SUGCT: variants seen among roughly 807,000 people sequenced by gnomAD.
SUGCT encodes succinyl-CoA:glutarate-CoA transferase, also known as succinyl-CoA:glutarate CoA-transferase.
SUGCT carries 41 observed loss-of-function variants against 55.0 expected under a neutral mutation model. The ratio of observed to expected loss-of-function variants is 0.74; its 90% CI spans 0.58 to 0.97. The LOEUF (loss-of-function observed/expected upper bound fraction) is 0.97. Ranked by LOEUF, SUGCT falls within the 50% of genes least tolerant of loss-of-function variation. The pLI, the probability that SUGCT is intolerant of heterozygous loss-of-function variation, is 0.00. For missense variants in SUGCT, 568 were observed against 547.8 expected, an observed-to-expected ratio of 1.04 and a Z score of -0.37; for synonymous variants, 187 against 200.4, an observed-to-expected ratio of 0.93 and a Z score of 0.56.
At chr7:40,995,593 A>G in the SUGCT span, among the ~76,000 whole-genome samples, 1 of 151,942 alleles carries the variant, frequency 6.6e-6, no homozygotes, top group African/African-American at 2.4e-5. Flanking sequence ...TAATAGTTTT[A>G]GGTTCTTCAG....
intron 7 of SUGCT, among the ~76,000 whole-genome samples, chr7:40,272,191 T>TATAC (rs1792105514): frequency 4.2e-5 from 3 of 71,932 alleles, no homozygotes; most frequent in African/African-American, 1.6e-4. Context: ...TATATATATA[T>TATAC]ATACAGGGTC....
At chr7:40,997,278 A>G in the SUGCT span, among the ~76,000 whole-genome samples, 1 of 152,122 alleles carries the variant, frequency 6.6e-6, no homozygotes, top group Non-Finnish European at 1.5e-5. Flanking sequence ...TGTCCCATTC[A>G]TATGCACACC....
the SUGCT span, among the ~76,000 whole-genome samples, chr7:40,904,109 A>G: frequency 6.6e-6 from 1 of 152,128 alleles, no homozygotes; most frequent in Non-Finnish European, 1.5e-5. Flanking sequence ...CCTTTCAGCA[A>G]CTCATGAGTT....
the SUGCT span, among the ~76,000 whole-genome samples, chr7:40,998,364 T>C: frequency 3.3e-5 from 5 of 149,262 alleles, no homozygotes; most frequent in Non-Finnish European, 7.4e-5. Flanking sequence ...AGAGTAAGAC[T>C]CTGAAAAAAA....
intron 9 of SUGCT, among the ~76,000 whole-genome samples, chr7:40,392,242 C>A (rs1289864786): frequency 1.3e-5 from 2 of 152,042 alleles, no homozygotes; most frequent in South Asian, 2.1e-4. Context: ...ATGTAACAAA[C>A]CTGCACGTTG....
Position 40,212,907 on chromosome 7 carries a change from CATTA to C in SUGCT, c.484+17853_484+17856del, listed in dbSNP as rs1285185321. Reference sequence around the variant, plus strand: ...AAATAGTAACTGTGAGGTGATGGTACATTAATTAACTTGATGATGGTAATTATTT... The same window carrying C: ...AAATAGTAACTGTGAGGTGATGGTACATTAACTTGATGATGGTAATTATTT... On this transcript the variant is annotated intron_variant, in intron 6 of 13. Coordinates refer to ENST00000335693, the MANE Select transcript of SUGCT (RefSeq NM_001193313.2). Among the ~76,000 whole-genome samples, 7 of 152,066 alleles carry C rather than the reference CATTA, an allele frequency of 4.6e-5. No homozygotes were observed. In the East Asian group the frequency reaches 1.2e-3, roughly 25 times the overall value.
the SUGCT span, among the ~76,000 whole-genome samples, chr7:40,930,249 C>G: frequency 6.6e-6 from 1 of 152,160 alleles, no homozygotes; most frequent in African/African-American, 2.4e-5. Context: ...GGTGTTATTT[C>G]TGAGGCCTCT....
At chr7:40,503,416 A>G (rs1792405585) in intron 12 of SUGCT, among the ~76,000 whole-genome samples, 1 of 152,200 alleles carries the variant, frequency 6.6e-6, no homozygotes, top group Non-Finnish European at 1.5e-5. Context: ...ATAAGTAATG[A>G]GAAGGAAGCA....
At chr7:40,870,188 C>G in the SUGCT span, among the ~76,000 whole-genome samples, 1 of 152,124 alleles carries the variant, frequency 6.6e-6, no homozygotes, top group East Asian at 1.9e-4. Flanking sequence ...GGATTTCATT[C>G]TGATCAATGT....
At chr7:40,320,112 TTG>T (rs67514741) in intron 9 of SUGCT, among the ~76,000 whole-genome samples, 81,096 of 148,598 alleles carry the variant, frequency 0.55, 23,090 homozygotes, top group Non-Finnish European at 0.65. Context: ...TGTTAATTTT[TTG>T]TTTTTTTTTT....
At chr7:40,855,375 T>C (rs1794120516) in intron 13 of SUGCT, among the ~76,000 whole-genome samples, 1 of 152,122 alleles carries the variant, frequency 6.6e-6, no homozygotes, top group Non-Finnish European at 1.5e-5. Flanking sequence ...TCTTAGCTTC[T>C]TTCTCACATT....
intron 6 of SUGCT, among the ~76,000 whole-genome samples, chr7:40,222,398 A>G (rs1788068041): frequency 6.6e-6 from 1 of 152,176 alleles, no homozygotes. Flanking sequence ...TCAACCTTAT[A>G]TCCAGCCATG....
chr7:40,236,428 A>G (rs548885426), intron 6 of SUGCT, among the ~76,000 whole-genome samples: 220 of 86,128 alleles, frequency 2.6e-3, no homozygotes, highest in African/African-American at 1.0e-2. Flanking sequence ...TGTTCTGTTG[A>G]TTCTTTCTGA....
the SUGCT span, among the ~76,000 whole-genome samples, chr7:41,015,702 G>C: frequency 6.6e-6 from 1 of 152,174 alleles, no homozygotes; most frequent in South Asian, 2.1e-4. Flanking sequence ...GGTTCTGGTA[G>C]AGCCCTTCAG....
intron 10 of SUGCT, among the ~76,000 whole-genome samples, chr7:40,453,915 A>G (rs748438889): frequency 2.0e-5 from 3 of 152,196 alleles, no homozygotes; most frequent in Admixed American, 1.3e-4. Flanking sequence ...CATCACAAAC[A>G]CTGTTTAATA....
chr7:40,240,360 G>A (rs1789298826), intron 7 of SUGCT, among the ~76,000 whole-genome samples: 1 of 152,130 alleles, frequency 6.6e-6, no homozygotes, highest in Admixed American at 6.6e-5. Context: ...TTGCATTCCT[G>A]TAATCCCAGC....
intron 9 of SUGCT, among the ~76,000 whole-genome samples, chr7:40,355,921 T>G (rs1184946370): frequency 6.6e-6 from 1 of 152,246 alleles, no homozygotes; most frequent in East Asian, 1.9e-4. Flanking sequence ...CTGGAAGGCA[T>G]TTCTAGAATT....
chr7:40,630,705 A>T (rs1799751244), intron 12 of SUGCT, among the ~76,000 whole-genome samples: 1 of 152,178 alleles, frequency 6.6e-6, no homozygotes, highest in Admixed American at 6.5e-5. Context: ...ACAATATGAT[A>T]CATCTCCTGT....
At chr7:40,203,799 A>G (rs948437079) in intron 6 of SUGCT, among the ~76,000 whole-genome samples, 3 of 152,094 alleles carry the variant, frequency 2.0e-5, no homozygotes, top group African/African-American at 7.2e-5. Flanking sequence ...AAAGAAAAAA[A>G]AGAATATCTA....
Sources: allele counts gnomAD v4.1 joint callset (sites outside exome capture counted in the v4.1 genomes callset), GRCh38; gene constraint gnomAD v4.1.1; transcripts MANE v1.5; gene names NCBI Gene and HGNC (gene_info 2026-07-23, HGNC 2026-07-21).